Variants in HDAC9 observed in about 807,000 individuals in gnomAD.
HDAC9 encodes the protein histone deacetylase 9, also known as MEF-2 interacting transcription repressor (MITR) protein.
In HDAC9, 41 loss-of-function variants were observed where a neutral mutation model predicts 139.4. The ratio of observed to expected loss-of-function variants is 0.29; its 90% CI spans 0.23 to 0.38. The LOEUF (loss-of-function observed/expected upper bound fraction) is 0.38, where lower values mean the gene tolerates loss of function less well. Among genes scored for constraint, HDAC9 ranks in the 10% least tolerant of loss-of-function variants. The pLI is 1.00. For synonymous variants in HDAC9, 517 were observed against 476.2 expected, an observed-to-expected ratio of 1.09 and a Z score of -1.12; for missense variants, 1,147 against 1,297.0, an observed-to-expected ratio of 0.88 and a Z score of 1.78.
intron 22 of HDAC9, among the ~76,000 whole-genome samples, chr7:18,907,939 A>G (rs1802410631): frequency 6.6e-6 from 1 of 152,184 alleles, no homozygotes; most frequent in African/African-American, 2.4e-5. Context: ...TACTATGTAT[A>G]TATCATGTAT....
chr7:18,961,515 A>G (rs1783527612), intron 24 of HDAC9, among the ~76,000 whole-genome samples: 1 of 152,176 alleles, frequency 6.6e-6, no homozygotes, highest in South Asian at 2.1e-4. Context: ...TTGCTGATAG[A>G]AAGTCTTAAC....
intron 17 of HDAC9, among the ~76,000 whole-genome samples, chr7:18,826,671 T>G (rs904722158): frequency 8.3e-5 from 10 of 120,724 alleles, no homozygotes; most frequent in Admixed American, 3.2e-4. Context: ...TTTGGTTTTG[T>G]TTTTTTTTTA....
chr7:18,913,168 T>C (rs1802887903), intron 22 of HDAC9, among the ~76,000 whole-genome samples: 1 of 152,108 alleles, frequency 6.6e-6, no homozygotes, highest in Non-Finnish European at 1.5e-5. Context: ...GTGGCTAATT[T>C]CCACGGTTGA....
intron 2 of HDAC9, among the ~76,000 whole-genome samples, chr7:18,547,320 C>T (rs1054570554): frequency 6.6e-6 from 1 of 152,214 alleles, no homozygotes; most frequent in African/African-American, 2.4e-5. Context: ...ACTGCAAGCT[C>T]TGCCTCCCGG....
chr7:18,605,126 T>C (rs1835096800), intron 6 of HDAC9, among the ~76,000 whole-genome samples: 1 of 152,156 alleles, frequency 6.6e-6, no homozygotes, highest in Non-Finnish European at 1.5e-5. Flanking sequence ...CCTTTGATTT[T>C]TTTCCTTCTC....
intron 22 of HDAC9, among the ~76,000 whole-genome samples, chr7:18,917,125 A>T (rs1295213053): frequency 6.6e-6 from 1 of 152,034 alleles, no homozygotes; most frequent in East Asian, 1.9e-4. Context: ...CATGAGCTGA[A>T]ATGCTTTCAA....
chr7:18,905,435 C>G (rs964393581), intron 22 of HDAC9, among the ~76,000 whole-genome samples: 2 of 152,136 alleles, frequency 1.3e-5, no homozygotes, highest in African/African-American at 2.4e-5. Flanking sequence ...CATTTTTCTA[C>G]TTAAGATTGT....
upstream of HDAC9, among the ~76,000 whole-genome samples, chr7:18,287,599 G>T (rs1246676831): frequency 6.6e-6 from 1 of 152,190 alleles, no homozygotes; most frequent in Non-Finnish European, 1.5e-5. Context: ...CAGAATCCTG[G>T]TTGGCCACAG....
At chr7:18,418,424 C>CAAA (rs59702600) in intron 1 of HDAC9, among the ~76,000 whole-genome samples, 3 of 76,934 alleles carry the variant, frequency 3.9e-5, no homozygotes, top group Admixed American at 1.4e-4. Context: ...GTATACAAAC[C>CAAA]AAAAAAAAAA....
chr7:18,371,104 T>C (rs1784559893), intron 1 of HDAC9, among the ~76,000 whole-genome samples: 2 of 152,200 alleles, frequency 1.3e-5, no homozygotes, highest in African/African-American at 2.4e-5. Context: ...TATTGAATTA[T>C]GTGTGGAAAG....
chr7:18,796,178 T>C (rs553600615), intron 17 of HDAC9, among the ~76,000 whole-genome samples: 83 of 152,230 alleles, frequency 5.5e-4, no homozygotes, highest in African/African-American at 1.9e-3. Context: ...TGCCTGGATA[T>C]AGTGTGGAAA....
intron 2 of HDAC9, among the ~76,000 whole-genome samples, chr7:18,186,365 C>A (rs111548685): frequency 6.6e-6 from 1 of 152,256 alleles, no homozygotes; most frequent in East Asian, 1.9e-4. Context: ...TCTGTTGAAG[C>A]TAACAAGGAA....
chr7:18,808,651 A>T (rs1431844185), intron 17 of HDAC9, among the ~76,000 whole-genome samples: 1 of 152,128 alleles, frequency 6.6e-6, no homozygotes, highest in Non-Finnish European at 1.5e-5. Context: ...ATTTTGAAAG[A>T]CTTGAATAAA....
intron 15 of HDAC9, among the ~76,000 whole-genome samples, chr7:18,762,839 G>A (rs1284159240): frequency 6.6e-6 from 1 of 152,010 alleles, no homozygotes; most frequent in Non-Finnish European, 1.5e-5. Context: ...ACAGTTTTTT[G>A]TTAATGTATG....
intron 21 of HDAC9, among the ~76,000 whole-genome samples, chr7:18,854,646 C>A (rs1160476113): frequency 6.6e-6 from 1 of 151,376 alleles, no homozygotes; most frequent in South Asian, 2.1e-4. Context: ...CTACTCTAGT[C>A]TAGTATGGGA....
chr7:18,739,898 C>A lies in HDAC9; in HGVS notation c.1910-9107C>A, dbSNP rs62446575. Among the ~76,000 whole-genome samples, 3 of 152,210 alleles carry A rather than the reference C, an allele frequency of 2.0e-5. No homozygotes were observed. In the South Asian group the frequency reaches 6.2e-4, roughly 31 times the overall value. On this transcript the variant is annotated intron_variant, in intron 13 of 25. Coordinates refer to ENST00000686413, the MANE Select transcript of HDAC9 (RefSeq NM_178425.4). ...AGGTGGAGTCTGTAGAGGCAGTAGG[C>A]CTTGCTGAGCTGCAGTGGGCTCTGC...
At chr7:18,504,228 A>G (rs1191430461) in intron 2 of HDAC9, among the ~76,000 whole-genome samples, 1 of 152,206 alleles carries the variant, frequency 6.6e-6, no homozygotes, top group African/African-American at 2.4e-5. Flanking sequence ...TTAGAAAGTT[A>G]TCACCACCCG....
At chr7:18,922,535 A>G (rs2129297882) in intron 22 of HDAC9, among the ~76,000 whole-genome samples, 1 of 152,198 alleles carries the variant, frequency 6.6e-6, no homozygotes, top group South Asian at 2.1e-4. Context: ...AAATGCAGAG[A>G]TTTGGATTCA....
chr7:18,780,555 C>T lies in HDAC9; in HGVS notation c.2215-12790C>T, dbSNP rs571773182. On this transcript the variant is annotated intron_variant, in intron 16 of 25. Transcript: ENST00000686413. ...GTAGGATGATGCACCAAAGGAAGCACCCAATGCTGGCAAGCAAGAGCTAGT... is the reference window on the plus strand; with the variant it reads ...GTAGGATGATGCACCAAAGGAAGCATCCAATGCTGGCAAGCAAGAGCTAGT... Among the ~76,000 whole-genome samples the T allele has an allele frequency of 3.8e-4, 58 of 152,040 alleles. No individual in the cohort carries two copies. The South Asian group carries it at 0.012, about 31-fold the overall frequency.
Sources: gnomAD v4.1 joint callset for allele counts (sites outside exome capture counted in the v4.1 genomes callset) on GRCh38, gnomAD v4.1.1 for gene constraint, MANE v1.5 for transcripts, NCBI Gene and HGNC (gene_info 2026-07-23, HGNC 2026-07-21) for gene names.